Variants in COL19A1 observed in about 807,000 individuals in gnomAD.
COL19A1 encodes collagen alpha-1(XIX) chain.
In COL19A1, 159 loss-of-function variants were observed where a neutral mutation model predicts 190.2. The ratio of observed to expected loss-of-function variants is 0.84; its 90% CI spans 0.73 to 0.95. The LOEUF (loss-of-function observed/expected upper bound fraction) is 0.95. Among genes scored for constraint, COL19A1 ranks in the 40% least tolerant of loss-of-function variants. COL19A1 has a pLI of 0.00. For synonymous variants in COL19A1, 509 were observed against 458.9 expected (o/e 1.11, Z -1.39); for missense variants, 1,418 against 1,431.9 (o/e 0.99, Z 0.16).
At position 70,211,369 on chromosome 6, in the gene COL19A1, T is replaced by G. The variant is rs1768197582; in HGVS notation, c.*4095T>G. Among the ~76,000 whole-genome samples, 3 of 152,068 alleles carry G rather than the reference T, an allele frequency of 2.0e-5. No homozygotes were observed. The South Asian group carries it at 6.2e-4, about 32-fold the overall frequency. On this transcript the variant is annotated 3_prime_UTR_variant, in exon 51 of 51. Coordinates refer to ENST00000620364, the MANE Select transcript of COL19A1 (RefSeq NM_001858.6). ...TCCATTGCTCTTGTTCTTAAATTAT[T>G]TTTCATACTTGTCTGTATCCACCTT...
At chr6:69,969,059 T>C (rs916003911) in intron 11 of COL19A1, among the ~76,000 whole-genome samples, 7 of 152,184 alleles carry the variant, frequency 4.6e-5, no homozygotes, top group African/African-American at 1.7e-4. Flanking sequence ...GTTTCCTCTT[T>C]TATAAAATAA....
chr6:69,937,326 G>A (rs1773175672), intron 8 of COL19A1, among the ~76,000 whole-genome samples: 1 of 152,102 alleles, frequency 6.6e-6, no homozygotes, highest in African/African-American at 2.4e-5. Context: ...TGTTTTTCCA[G>A]CATCCCTAAA....
chr6:70,072,714 C>T (rs1781629975), intron 15 of COL19A1, among the ~76,000 whole-genome samples: 1 of 152,070 alleles, frequency 6.6e-6, no homozygotes, highest in Admixed American at 6.6e-5. Flanking sequence ...AGTCAGGATT[C>T]CTTGCATTCT....
At chr6:70,144,776 T>G in intron 24 of COL19A1, 142 bp from the exon 25 acceptor site, 2 of 662,540 alleles carry the variant, frequency 3.0e-6, no homozygotes, top group East Asian at 5.5e-5. Flanking sequence ...ATTGAGTGAG[T>G]TGGTGAGTGA....
intron 40 of COL19A1, among the ~76,000 whole-genome samples, chr6:70,171,594 T>G (rs748552435): frequency 1.2e-4 from 19 of 152,194 alleles, no homozygotes; most frequent in Non-Finnish European, 2.5e-4. Context: ...TCTTATTCTC[T>G]GAAAATCTAG....
At chr6:69,868,862 G>A (rs962391499) in intron 1 of COL19A1, among the ~76,000 whole-genome samples, 1 of 152,220 alleles carries the variant, frequency 6.6e-6, no homozygotes, top group Non-Finnish European at 1.5e-5. Flanking sequence ...AAATGCCAAT[G>A]TGGGTACACA....
intron 14 of COL19A1, among the ~76,000 whole-genome samples, chr6:70,066,106 C>T (rs1781176955): frequency 6.6e-6 from 1 of 152,078 alleles, no homozygotes; most frequent in African/African-American, 2.4e-5. Flanking sequence ...TGGGTATATA[C>T]CCAAAGGAAT....
chr6:69,931,853 C>T (rs1772780768), intron 6 of COL19A1, among the ~76,000 whole-genome samples: 1 of 151,860 alleles, frequency 6.6e-6, no homozygotes, highest in Non-Finnish European at 1.5e-5. Flanking sequence ...ATAGATTTTT[C>T]CCCCCTTTTT....
intron 23 of COL19A1, among the ~76,000 whole-genome samples, chr6:70,143,379 G>T (rs970165022): frequency 3.3e-5 from 5 of 152,044 alleles, no homozygotes; most frequent in Non-Finnish European, 5.9e-5. Flanking sequence ...TCAGCTTTTT[G>T]TTCCTTGGAC....
At chr6:69,881,606 A>G (rs1768560486) in intron 2 of COL19A1, among the ~76,000 whole-genome samples, 1 of 152,258 alleles carries the variant, frequency 6.6e-6, no homozygotes, top group Non-Finnish European at 1.5e-5. Flanking sequence ...AAATGCATAT[A>G]TTCTGATCCA....
At chr6:70,093,649 GA>G (rs1317571278) in intron 15 of COL19A1, among the ~76,000 whole-genome samples, 1 of 152,112 alleles carries the variant, frequency 6.6e-6, no homozygotes, top group Non-Finnish European at 1.5e-5. Flanking sequence ...TTGGTAGTGA[GA>G]AGAAGAGAAG....
intron 12 of COL19A1, among the ~76,000 whole-genome samples, chr6:70,029,153 G>A (rs1778888508): frequency 6.6e-6 from 1 of 152,126 alleles, no homozygotes. Flanking sequence ...GGCAACAGCT[G>A]TTGACATTGC....
At chr6:69,974,751 A>G (rs1169987269) in intron 11 of COL19A1, among the ~76,000 whole-genome samples, 1 of 148,396 alleles carries the variant, frequency 6.7e-6, no homozygotes, top group Non-Finnish European at 1.5e-5. Context: ...TTCTCTGATT[A>G]TATGTTCTTG....
intron 11 of COL19A1, among the ~76,000 whole-genome samples, chr6:69,985,987 C>T (rs1009442656): frequency 2.0e-5 from 3 of 151,892 alleles, no homozygotes; most frequent in African/African-American, 4.8e-5. Flanking sequence ...TTCTTCATGT[C>T]ATATTCTACT....
Position 70,208,129 on chromosome 6 carries a change from C to G in COL19A1, c.*855C>G, listed in dbSNP as rs1768006157. On this transcript the variant is annotated 3_prime_UTR_variant, in exon 51 of 51. Coordinates refer to ENST00000620364, the MANE Select transcript of COL19A1 (RefSeq NM_001858.6). ...CCCTACAAGGTGCTTGGTGGTGAAG[C>G]CACCAAGCTGTCTTTGGTACTCTTA... 6.6e-6 allele frequency: 1 copy of G among 152,156 alleles called. No homozygotes were observed. Among genetic ancestry groups the G allele is most frequent in the African/African-American group, 2.4e-5 (1 of 41,436 alleles). The allele number at this position is 152,156 out of a possible 1,614,324, so 9.4% of individuals were successfully genotyped here.
At chr6:70,002,727 T>A (rs1366646889) in intron 11 of COL19A1, among the ~76,000 whole-genome samples, 1 of 151,370 alleles carries the variant, frequency 6.6e-6, no homozygotes, top group African/African-American at 2.4e-5. Context: ...CCTTTGTCAC[T>A]TTTTATTGTG....
intron 41 of COL19A1, 125 bp from the exon 42 acceptor site, chr6:70,176,395 A>G (rs1196392299): frequency 2.3e-6 from 2 of 875,434 alleles, no homozygotes; most frequent in Non-Finnish European, 3.3e-6. Context: ...CCCATCTAAT[A>G]TCAATAACAC....
chr6:70,057,883 TAGC>T (rs1021279084), intron 14 of COL19A1, among the ~76,000 whole-genome samples: 3 of 152,074 alleles, frequency 2.0e-5, no homozygotes, highest in African/African-American at 7.2e-5. Context: ...ATCAGAATCT[TAGC>T]AGTCATTCAT....
intron 44 of COL19A1, among the ~76,000 whole-genome samples, chr6:70,182,151 C>A (rs1194276197): frequency 6.6e-6 from 1 of 152,162 alleles, no homozygotes; most frequent in Non-Finnish European, 1.5e-5. Context: ...ACATCACCAT[C>A]ATCTCCACGA....
Sources: gnomAD v4.1 joint callset for allele counts (sites outside exome capture counted in the v4.1 genomes callset) on GRCh38, gnomAD v4.1.1 for gene constraint, MANE v1.5 for transcripts, NCBI Gene and HGNC (gene_info 2026-07-23, HGNC 2026-07-21) for gene names.